Variants in SPNS2 observed in about 807,000 individuals in gnomAD.
SPNS2 encodes the protein SPNS lysolipid transporter 2, sphingosine-1-phosphate.
A neutral mutation model predicts 57.6 loss-of-function variants in SPNS2; 37 were observed. The ratio of observed to expected loss-of-function variants is 0.64; its 90% CI spans 0.49 to 0.85. The LOEUF (loss-of-function observed/expected upper bound fraction) is 0.85. Ranked by LOEUF, SPNS2 falls within the 40% of genes least tolerant of loss-of-function variation. The pLI, the probability that SPNS2 is intolerant of heterozygous loss-of-function variation, is 0.00. For missense variants in SPNS2, 831 were observed against 779.1 expected (o/e 1.07, Z -0.79); for synonymous variants, 440 against 346.9 (o/e 1.27, Z -2.98).
rs1906021696 is a variant in SPNS2, at chr17:4,538,673, C to CA, written c.*1227dup. 5.5e-6 allele frequency: 3 copies of CA among 548,830 alleles called. No homozygotes were observed. 34.0% of individuals were successfully genotyped at this position (548,830 alleles called of 1,614,324 possible). ...GCCTTGTGGCCAATGGGGGACCCCC[C>CA]AAGAGCCAGCTTGGACAATGCTCTT... On this transcript the variant is annotated 3_prime_UTR_variant, in exon 13 of 13. Coordinates refer to ENST00000329078, the MANE Select transcript of SPNS2 (RefSeq NM_001124758.3).
At position 4,532,547 on chromosome 17, in the gene SPNS2, C is replaced by T. The variant is rs769885330; in HGVS notation, c.798C>T (p.Ser266=). The T allele has an allele frequency of 1.2e-6, 2 of 1,614,160 alleles. No individual in the cohort carries two copies. Among genetic ancestry groups the T allele is most frequent in the South Asian group, 1.1e-5 (1 of 91,082 alleles). The change falls in exon 6 of 13, where the codon TCC becomes TCT. Residue 266 remains serine, a synonymous_variant. Transcript: ENST00000329078. Reference sequence around the variant, plus strand: ...AACTTCCTGCTCTCTGGCAGGTGTCCCCTGTCCTGGGCATGATCACAGGAA... The same window carrying T: ...AACTTCCTGCTCTCTGGCAGGTGTCTCCTGTCCTGGGCATGATCACAGGAA... The part of the protein sequence containing the change: ...AGDWHWALRV[S]PVLGMITGTL...
chr17:4,534,822 G>A (rs1472210767), intron 9 of SPNS2, among the ~76,000 whole-genome samples: 1 of 152,114 alleles, frequency 6.6e-6, no homozygotes, highest in Non-Finnish European at 1.5e-5. Context: ...GAAGGGAGGA[G>A]TCCGTGCAGA....
intron 5 of SPNS2, among the ~76,000 whole-genome samples, chr17:4,531,716 G>C (rs139762263): frequency 6.6e-6 from 1 of 152,092 alleles, no homozygotes; most frequent in Non-Finnish European, 1.5e-5. Context: ...GAGGGAGGTG[G>C]CAGGCAGAGG....
chr17:4,533,418 A>G lies in SPNS2; in HGVS notation c.1264A>G (p.Ile422Val), dbSNP rs746837010. ...CLIFVAAKSS[I>V]VGAYICIFVG... Reference sequence around the variant, plus strand: ...GATCTTCGTGGCTGCCAAGAGCAGCATCGTAGGAGCCTATGTGAGTGCAGC... The same window carrying G: ...GATCTTCGTGGCTGCCAAGAGCAGCGTCGTAGGAGCCTATGTGAGTGCAGC... The change falls in exon 8 of 13, where the codon ATC (isoleucine) becomes GTC (valine). Residue 422 changes from isoleucine (I) to valine (V), a missense_variant. Around this residue, in one of 2 missense-constraint regions of SPNS2, gnomAD observed 526 missense variants for 400.9 expected, o/e 1.31. Transcript: ENST00000329078. 3 of 1,604,916 alleles carry G rather than the reference A, an allele frequency of 1.9e-6. No homozygotes were observed. Among genetic ancestry groups the G allele is most frequent in the Non-Finnish European group, 2.6e-6 (3 of 1,176,236 alleles).
chr17:4,509,566 G>A (rs1313926382), intron 1 of SPNS2, among the ~76,000 whole-genome samples: 1 of 152,236 alleles, frequency 6.6e-6, no homozygotes, highest in Non-Finnish European at 1.5e-5. Context: ...GGGCTGCTGT[G>A]CAGGAGCCGG....
In SPNS2 at chr17:4,503,113, G is replaced by A. The variant is rs553343502; in HGVS notation, c.370+3696G>A. Among the ~76,000 whole-genome samples, 3 of 152,314 alleles carry A rather than the reference G, an allele frequency of 2.0e-5. No individual in the cohort carries two copies. The East Asian group carries it at 5.8e-4, about 29-fold the overall frequency. On this transcript the variant is annotated intron_variant, in intron 1 of 12. Coordinates refer to ENST00000329078, the MANE Select transcript of SPNS2 (RefSeq NM_001124758.3). ...CTTCCTTGCACCTCCTTGCGCAGATGGGAACACAGCCATCCAGAGAACAAA... is the reference window on the plus strand; with the variant it reads ...CTTCCTTGCACCTCCTTGCGCAGATAGGAACACAGCCATCCAGAGAACAAA...
intron 12 of SPNS2, among the ~76,000 whole-genome samples, chr17:4,537,163 C>T (rs535508543): frequency 1.1e-3 from 163 of 152,348 alleles, no homozygotes; most frequent in Non-Finnish European, 1.9e-3. Context: ...CCTTTCCTTC[C>T]TTTCAAGGGC....
chr17:4,499,250 C>G lies in SPNS2; in HGVS notation c.203C>G (p.Pro68Arg), dbSNP rs1467527967. 6.8e-7 allele frequency: 1 copy of G among 1,470,996 alleles called. No individual in the cohort carries two copies. The highest frequency in any genetic ancestry group is 1.5e-5 in the African/African-American group (1 of 67,922). 91.1% of individuals were successfully genotyped at this position (1,470,996 alleles called of 1,614,324 possible). ...QTLSGSVRRAPTGPPGTPGTP... is the reference protein window; with the variant it reads ...QTLSGSVRRARTGPPGTPGTP... ...CTGTCGGGCAGCGTAAGGCGGGCCC[C>G]GACCGGACCCCCCGGCACCCCCGGC... The change falls in exon 1 of 13, where the codon CCG (proline) becomes CGG (arginine). Residue 68 changes from proline (P) to arginine (R), a missense_variant. Pro to Arg is a moderately radical substitution (Grantham distance 103, BLOSUM62 -2). This residue lies in a region of SPNS2 where 305 missense variants were observed against 378.3 expected (regional missense o/e 0.81). Coordinates refer to ENST00000329078, the MANE Select transcript of SPNS2 (RefSeq NM_001124758.3). This position sits in a 1 kb window ranked among gnomAD's most constrained non-coding sequence, Gnocchi z 5.2.
At chr17:4,513,153 G>T in intron 1 of SPNS2, 94 bp from the exon 2 acceptor site, 1 of 1,396,834 alleles carries the variant, frequency 7.2e-7, no homozygotes, top group Admixed American at 1.7e-5. Flanking sequence ...ATATGGCCAG[G>T]CTGGGCCCTG....
At chr17:4,535,168 C>T (rs1004516995) in intron 9 of SPNS2, among the ~76,000 whole-genome samples, 1 of 152,136 alleles carries the variant, frequency 6.6e-6, no homozygotes, top group Non-Finnish European at 1.5e-5. Flanking sequence ...TGTCCCGCCC[C>T]CACCCCAGCC....
At chr17:4,536,782 C>T (rs150766025) in intron 11 of SPNS2, 118 bp from the exon 12 acceptor site, 57 of 823,368 alleles carry the variant, frequency 6.9e-5, no homozygotes, top group East Asian at 5.0e-4. Context: ...CTGGGGCTGA[C>T]GAGGTCCCTG....
chr17:4,513,401 T>A, intron 2 of SPNS2, 89 bp downstream of exon 2: 1 of 1,400,634 alleles, frequency 7.1e-7, no homozygotes. Context: ...ACCCGGTCTG[T>A]CTTCCCCTGT....
intron 1 of SPNS2, among the ~76,000 whole-genome samples, chr17:4,504,711 C>T (rs11651768): frequency 0.43 from 65,257 of 152,064 alleles, 14,286 homozygotes; most frequent in Middle Eastern, 0.48. Flanking sequence ...AACACTGGCC[C>T]GATCCCTAGG....
rs1361984893 is a variant in SPNS2, at chr17:4,537,874, T to C, written c.*426T>C. 1.3e-5 allele frequency: 6 copies of C among 450,728 alleles called. No individual in the cohort carries two copies. The highest frequency in any genetic ancestry group is 1.0e-4 in the African/African-American group (5 of 49,944). 27.9% of individuals were successfully genotyped at this position (450,728 alleles called of 1,614,324 possible). A position where few individuals can be genotyped will look rare whatever the true frequency, so the allele number is the denominator to read the frequency against. On this transcript the variant is annotated 3_prime_UTR_variant, in exon 13 of 13. Transcript: ENST00000329078. ...AAGCACGATCTGCAGCTTTGAAGAC[T>C]CAACAGACCCTGGACCATACGGAGA...
chr17:4,535,245 C>G (rs1174530132), intron 9 of SPNS2, among the ~76,000 whole-genome samples: 1 of 152,068 alleles, frequency 6.6e-6, no homozygotes, highest in Non-Finnish European at 1.5e-5. Flanking sequence ...CCTGCTTGGT[C>G]TGATGGGGGT....
intron 9 of SPNS2, 109 bp from the exon 10 acceptor site, chr17:4,535,967 A>C: frequency 1.2e-6 from 1 of 842,262 alleles, no homozygotes; most frequent in African/African-American, 1.7e-5. Flanking sequence ...GACGTAGGGC[A>C]GGAGTGAGTC....
chr17:4,518,535 A>AC (rs1905056276), intron 2 of SPNS2, among the ~76,000 whole-genome samples: 1 of 152,134 alleles, frequency 6.6e-6, no homozygotes, highest in South Asian at 2.1e-4. Flanking sequence ...AAACAAAACA[A>AC]AAACAAACAA....
rs564706109 is a variant in SPNS2 at position 4,513,441 on chromosome 17, C to T, written c.436+129C>T. 136 of 942,904 alleles carry T rather than the reference C, an allele frequency of 1.4e-4. No individual in the cohort carries two copies. The African/African-American group carries it at 1.8e-3, about 13-fold the overall frequency. 58.4% of individuals were successfully genotyped at this position (942,904 alleles called of 1,614,324 possible). ...ACTCCTGGAAAGAGAGTGGGCTTTG[C>T]ATCCCAGTCTCACTATTGCCACCTG... On this transcript the variant is annotated intron_variant, in intron 2 of 12. Transcript: ENST00000329078.
At chr17:4,535,877 G>A (rs972153349) in intron 9 of SPNS2, among the ~76,000 whole-genome samples, 199 bp from the exon 10 acceptor site, 2 of 151,690 alleles carry the variant, frequency 1.3e-5, no homozygotes, top group African/African-American at 2.4e-5. Flanking sequence ...ACTGGCAGGA[G>A]AGAAGCAGCC....
Sources: allele counts gnomAD v4.1 joint callset (sites outside exome capture counted in the v4.1 genomes callset), GRCh38; gene constraint gnomAD v4.1.1; regional missense constraint gnomAD v4.1.1; non-coding constraint Gnocchi (gnomAD v3.1); transcripts MANE v1.5; gene names NCBI Gene and HGNC (gene_info 2026-07-23, HGNC 2026-07-21).